Variants in KLHL29 observed in about 807,000 individuals in gnomAD.
The protein encoded by KLHL29 is kelch like family member 29.
In KLHL29, 21 loss-of-function variants were observed where a neutral mutation model predicts 80.4. The ratio of observed to expected loss-of-function variants is 0.26; its 90% confidence interval spans 0.19 to 0.38. The LOEUF (loss-of-function observed/expected upper bound fraction) is 0.38. Among genes scored for constraint, KLHL29 ranks in the 10% least tolerant of loss-of-function variants. KLHL29 has a pLI of 1.00. For synonymous variants in KLHL29, 511 were observed against 526.8 expected, an observed-to-expected ratio of 0.97 and a Z score of 0.41; for missense variants, 867 against 1,223.9, an observed-to-expected ratio of 0.71 and a Z score of 4.35.
intron 2 of KLHL29, chr2:23,524,051 T>TCTTCCGAAGGCCTTCCC (rs1666200786): frequency 2.1e-6 from 1 of 471,436 alleles, no homozygotes; most frequent in East Asian, 6.9e-5. Flanking sequence ...CATGCCTTCC[T>TCTTCCGAAGGCCTTCCC]CTTCCGAAGG....
chr2:23,397,708 A>C (rs1379691647), intron 1 of KLHL29, among the ~76,000 whole-genome samples: 1 of 152,156 alleles, frequency 6.6e-6, no homozygotes. Context: ...GGCAGTGAGG[A>C]GGGTGGGGCT....
intron 6 of KLHL29, chr2:23,691,381 C>T: frequency 6.7e-6 from 3 of 450,354 alleles, no homozygotes; most frequent in South Asian, 2.2e-5. Context: ...CCTTTGAGGC[C>T]AGTCCTGGTC....
chr2:23,593,398 C>T (rs770124651), intron 3 of KLHL29, among the ~76,000 whole-genome samples: 18 of 152,202 alleles, frequency 1.2e-4, no homozygotes, highest in Non-Finnish European at 2.1e-4. Flanking sequence ...GGGGTGAAAA[C>T]AGGGCCTGCG....
At chr2:23,625,595 C>T (rs1367741548) in intron 3 of KLHL29, among the ~76,000 whole-genome samples, 1 of 152,222 alleles carries the variant, frequency 6.6e-6, no homozygotes, top group African/African-American at 2.4e-5. Flanking sequence ...CCATTCAACA[C>T]TCCCTGGGGT....
chr2:23,659,380 TC>T (rs1670339344), intron 5 of KLHL29, among the ~76,000 whole-genome samples: 4 of 152,198 alleles, frequency 2.6e-5, no homozygotes. Context: ...AAACTTCGGT[TC>T]AGAAATGTGA....
At position 23,610,993 on chromosome 2, in the gene KLHL29, G is replaced by A. The variant is rs540352713; in HGVS notation, c.286-28146G>A. ...CATGGAGCTTACCTTCAAGTGGATGGAAAGACAATGAATAAGTAACAAAAA... is the reference window on the plus strand; with the variant it reads ...CATGGAGCTTACCTTCAAGTGGATGAAAAGACAATGAATAAGTAACAAAAA... On this transcript the variant is annotated intron_variant, in intron 3 of 13. Transcript: ENST00000486442. Among the ~76,000 whole-genome samples the A allele has an allele frequency of 6.6e-5, 10 of 152,274 alleles. No homozygotes were observed. In the East Asian group the frequency reaches 1.7e-3, roughly 26 times the overall value.
chr2:23,589,984 G>A (rs1284592301), intron 3 of KLHL29, among the ~76,000 whole-genome samples: 2 of 152,226 alleles, frequency 1.3e-5, no homozygotes, highest in African/African-American at 4.8e-5. Flanking sequence ...TCCTGGGAGA[G>A]CCCAGCCAGC....
At position 23,403,726 on chromosome 2, in the gene KLHL29, AGTGT is replaced by A. The variant is rs36116395; in HGVS notation, c.-154+17982_-154+17985del. ...ATGAAACCCAAAGAGAGAGAGAGAGAGTGTGTGTGTGTGTGTGTGTGTGTGTGTG... is the reference window on the plus strand; with the variant it reads ...ATGAAACCCAAAGAGAGAGAGAGAGAGTGTGTGTGTGTGTGTGTGTGTGTG... On this transcript the variant is annotated intron_variant, in intron 1 of 13. Coordinates refer to ENST00000486442, the MANE Select transcript of KLHL29 (RefSeq NM_052920.2). 6.1e-3 allele frequency among the ~76,000 whole-genome samples: 878 copies of A among 144,036 alleles called. 3 individuals are homozygous for A. The highest frequency in any genetic ancestry group is 0.014 in the African/African-American group (535 of 37,696). 94.5% of individuals were successfully genotyped at this position (144,036 alleles called of 152,430 possible).
chr2:23,593,358 G>A (rs1232141720), intron 3 of KLHL29, among the ~76,000 whole-genome samples: 1 of 152,210 alleles, frequency 6.6e-6, no homozygotes, highest in African/African-American at 2.4e-5. Flanking sequence ...ATTCTTTTCT[G>A]TGTGGAAGAG....
At chr2:23,651,479 C>T (rs1256072244) in intron 5 of KLHL29, among the ~76,000 whole-genome samples, 1 of 152,196 alleles carries the variant, frequency 6.6e-6, no homozygotes, top group Non-Finnish European at 1.5e-5. Context: ...TTTTCACCAA[C>T]ATCAGCAAAG....
At chr2:23,408,307 T>G (rs1325136618) in intron 1 of KLHL29, among the ~76,000 whole-genome samples, 5 of 133,008 alleles carry the variant, frequency 3.8e-5, no homozygotes, top group Admixed American at 2.3e-4. Flanking sequence ...AAAAATTGAG[T>G]TTTTTTTTTA....
At chr2:23,687,829 G>A (rs1346124558) in intron 6 of KLHL29, among the ~76,000 whole-genome samples, 1 of 152,168 alleles carries the variant, frequency 6.6e-6, no homozygotes, top group Non-Finnish European at 1.5e-5. Flanking sequence ...TGCAGGGGAC[G>A]CGGCTGGAGG....
At chr2:23,576,857 C>T (rs1667855508) in intron 3 of KLHL29, among the ~76,000 whole-genome samples, 1 of 152,244 alleles carries the variant, frequency 6.6e-6, no homozygotes, top group South Asian at 2.1e-4. Context: ...CACCACCACT[C>T]ACACCCACCT....
At chr2:23,691,429 T>A in intron 6 of KLHL29, 1 of 569,970 alleles carries the variant, frequency 1.8e-6, no homozygotes, top group South Asian at 2.1e-5. Context: ...TTGATTTGCA[T>A]CTTTTTTTGC....
At chr2:23,444,887 C>A (rs1204754024) in intron 1 of KLHL29, among the ~76,000 whole-genome samples, 3 of 152,068 alleles carry the variant, frequency 2.0e-5, no homozygotes, top group Non-Finnish European at 4.4e-5. Flanking sequence ...AAACAGTTAG[C>A]TTCATGTGTT....
intron 1 of KLHL29, among the ~76,000 whole-genome samples, chr2:23,450,856 A>G (rs1470154674): frequency 6.6e-6 from 1 of 152,192 alleles, no homozygotes; most frequent in African/African-American, 2.4e-5. Flanking sequence ...GAGCATTTTC[A>G]TCATCTCAAA....
intron 2 of KLHL29, among the ~76,000 whole-genome samples, chr2:23,545,324 A>G (rs1666954531): frequency 6.6e-6 from 1 of 152,234 alleles, no homozygotes. Flanking sequence ...GCCTTGAGCA[A>G]GCCACCGCAT....
intron 2 of KLHL29, among the ~76,000 whole-genome samples, chr2:23,550,177 G>A (rs140365397): frequency 1.3e-5 from 2 of 152,300 alleles, no homozygotes; most frequent in African/African-American, 2.4e-5. Context: ...GTATAATGGG[G>A]AAGGAGGTGG....
chr2:23,448,161 G>A (rs1663764418), intron 1 of KLHL29, among the ~76,000 whole-genome samples: 1 of 152,092 alleles, frequency 6.6e-6, no homozygotes, highest in Non-Finnish European at 1.5e-5. Context: ...CGTGTGAGAA[G>A]ACTAGGAAAG....
Sources: allele counts gnomAD v4.1 joint callset (sites outside exome capture counted in the v4.1 genomes callset), GRCh38; gene constraint gnomAD v4.1.1; transcripts MANE v1.5; gene names NCBI Gene and HGNC (gene_info 2026-07-23, HGNC 2026-07-21).